Variants in UBE4B observed in about 807,000 individuals in gnomAD.
The protein encoded by UBE4B is ubiquitination factor E4B.
Under a neutral mutation model 148.1 loss-of-function variants are expected in UBE4B, and 27 were observed. The observed-to-expected ratio is 0.18, with a 90% CI of 0.13 to 0.25. The LOEUF (loss-of-function observed/expected upper bound fraction) is 0.25. Among genes scored for constraint, UBE4B ranks in the 10% least tolerant of loss-of-function variants. The pLI is 1.00. For synonymous variants in UBE4B, 596 were observed against 619.3 expected, an observed-to-expected ratio of 0.96 and a Z score of 0.56; for missense variants, 1,170 against 1,662.4, an observed-to-expected ratio of 0.70 and a Z score of 5.15.
chr1:10,071,938 C>T (rs1644493221), intron 1 of UBE4B, 90 bp from the exon 2 acceptor site: 23 of 1,342,964 alleles, frequency 1.7e-5, no homozygotes, highest in Non-Finnish European at 2.3e-5. Flanking sequence ...AGTTGTTAAA[C>T]TCTGGTTTGG....
At chr1:10,175,382 T>C (rs1163260700) in intron 25 of UBE4B, among the ~76,000 whole-genome samples, 2 of 152,126 alleles carry the variant, frequency 1.3e-5, no homozygotes, top group Non-Finnish European at 2.9e-5. Context: ...CCGGGTGCAG[T>C]GGCTCACGCC....
At chr1:10,178,845 G>T in intron 26 of UBE4B, 27 bp downstream of exon 26, 1 of 1,558,214 alleles carries the variant, frequency 6.4e-7, no homozygotes, top group African/African-American at 1.4e-5. Flanking sequence ...TTTTCATGCT[G>T]ATTTCTTTTG....
At chr1:10,097,729 G>C (rs1370729920) in intron 3 of UBE4B, among the ~76,000 whole-genome samples, 1 of 151,996 alleles carries the variant, frequency 6.6e-6, no homozygotes, top group Admixed American at 6.6e-5. Flanking sequence ...AGAGTCGCTT[G>C]AACTTGGGAG....
intron 25 of UBE4B, among the ~76,000 whole-genome samples, chr1:10,177,274 C>T (rs1035259215): frequency 1.3e-5 from 2 of 151,788 alleles, no homozygotes; most frequent in Non-Finnish European, 2.9e-5. Context: ...AATCCCACCA[C>T]TTTGGGAGGC....
chr1:10,137,642 C>A (rs931948936), intron 17 of UBE4B, among the ~76,000 whole-genome samples: 2 of 152,126 alleles, frequency 1.3e-5, no homozygotes, highest in Admixed American at 1.3e-4. Flanking sequence ...TTGGCTTGTT[C>A]TGTGGCATGA....
intron 2 of UBE4B, among the ~76,000 whole-genome samples, chr1:10,092,310 C>T (rs1034359453): frequency 7.2e-5 from 11 of 152,220 alleles, no homozygotes; most frequent in Non-Finnish European, 1.3e-4. Flanking sequence ...CTGCAACCTC[C>T]GCCTCCCAGG....
chr1:10,159,952 G>A (rs2102007172), intron 22 of UBE4B, among the ~76,000 whole-genome samples: 1 of 152,342 alleles, frequency 6.6e-6, no homozygotes, highest in East Asian at 1.9e-4. Flanking sequence ...TCTGAATGGT[G>A]CTGATTGGAG....
chr1:10,114,518 C>A (rs1324936511), intron 7 of UBE4B, among the ~76,000 whole-genome samples: 3 of 152,078 alleles, frequency 2.0e-5, no homozygotes, highest in Non-Finnish European at 4.4e-5. Flanking sequence ...TCAGCAGATA[C>A]CAGATCCTGC....
Position 10,168,325 on chromosome 1 carries a change from C to A in UBE4B, c.3333+55C>A. On this transcript the variant is annotated intron_variant, in intron 24 of 27. Transcript: ENST00000343090. This position sits in a 1 kb window ranked among gnomAD's most constrained non-coding sequence, Gnocchi z 4.9. The stretch of plus-strand genomic sequence containing the variant: ...GGTTTGGACTCCACATTCAGACTCT[C>A]TCACTTATAACTTTAGCAGTTGTTG... 6.3e-7 allele frequency: 1 copy of A among 1,593,016 alleles called. No homozygotes were observed. Among genetic ancestry groups the A allele is most frequent in the Non-Finnish European group, 8.6e-7 (1 of 1,169,438 alleles).
intron 1 of UBE4B, among the ~76,000 whole-genome samples, chr1:10,068,465 G>T (rs989545428): frequency 6.6e-6 from 1 of 150,476 alleles, no homozygotes; most frequent in Non-Finnish European, 1.5e-5. Context: ...TTCTCCTGCC[G>T]CGGCCTCCTC....
Position 10,033,577 on chromosome 1 carries a change from G to C in UBE4B, c.-94G>C. On this transcript the variant is annotated 5_prime_UTR_variant, in exon 1 of 28. Transcript: ENST00000343090. ...CCTCCCCCATTCGGGGGACCAGACA[G>C]CCTGATAGACACCTTCCACTCTCCT... The C allele has an allele frequency of 4.3e-6, 6 of 1,393,704 alleles. No homozygotes were observed. Among genetic ancestry groups the C allele is most frequent in the Non-Finnish European group, 5.7e-6 (6 of 1,054,682 alleles). 86.3% of individuals were successfully genotyped at this position (1,393,704 alleles called of 1,614,324 possible). A position where few individuals can be genotyped will look rare whatever the true frequency, so the allele number is the denominator to read the frequency against.
rs541668716 is a variant in UBE4B, at chr1:10,070,391, G to A, written c.25-1637G>A. The stretch of plus-strand genomic sequence containing the variant: ...CTCATAGTTGTAAGTATACAACCCA[G>A]TGAGTTTTCATAAAGTGGACATAGC... On this transcript the variant is annotated intron_variant, in intron 1 of 27. Transcript: ENST00000343090. 1.1e-4 allele frequency among the ~76,000 whole-genome samples: 16 copies of A among 150,142 alleles called. No homozygotes were observed. In the South Asian group the frequency reaches 1.9e-3, roughly 18 times the overall value.
At chr1:10,046,077 C>T (rs531427328) in intron 1 of UBE4B, among the ~76,000 whole-genome samples, 1 of 152,256 alleles carries the variant, frequency 6.6e-6, no homozygotes, top group South Asian at 2.1e-4. Flanking sequence ...TCTTTTGGCC[C>T]TTGTATGTCT....
At chr1:10,045,777 A>C (rs922295382) in intron 1 of UBE4B, among the ~76,000 whole-genome samples, 21 of 152,142 alleles carry the variant, frequency 1.4e-4, no homozygotes, top group Non-Finnish European at 2.6e-4. Flanking sequence ...AAAGGGTCAA[A>C]CACTAGATGG....
chr1:10,069,280 G>C (rs1051285976), intron 1 of UBE4B, among the ~76,000 whole-genome samples: 1 of 152,164 alleles, frequency 6.6e-6, no homozygotes, highest in Non-Finnish European at 1.5e-5. Context: ...TTTATGTTCA[G>C]TGCATTTTTC....
chr1:10,102,707 G>A (rs114793139), intron 4 of UBE4B, among the ~76,000 whole-genome samples: 1,781 of 151,948 alleles, frequency 0.012, 30 homozygotes, highest in African/African-American at 0.04. Flanking sequence ...CACCACGCCC[G>A]GCCATCTTTG....
intron 9 of UBE4B, among the ~76,000 whole-genome samples, chr1:10,121,151 G>A (rs1051235614): frequency 2.6e-5 from 4 of 151,722 alleles, no homozygotes; most frequent in African/African-American, 9.7e-5. Context: ...GATCACCTGA[G>A]GTTAGGAGTT....
intron 1 of UBE4B, among the ~76,000 whole-genome samples, chr1:10,050,454 G>A (rs932981499): frequency 6.6e-6 from 1 of 152,208 alleles, no homozygotes; most frequent in Non-Finnish European, 1.5e-5. Flanking sequence ...GTCTGCAGCA[G>A]CTGAAGGAGT....
chr1:10,154,292 C>T (rs951649901), intron 21 of UBE4B, among the ~76,000 whole-genome samples: 6 of 151,772 alleles, frequency 4.0e-5, no homozygotes, highest in Admixed American at 1.3e-4. Context: ...GTGACGCATG[C>T]GTGTAATCCC....
Sources: gnomAD v4.1 joint callset for allele counts (sites outside exome capture counted in the v4.1 genomes callset) on GRCh38, gnomAD v4.1.1 for gene constraint, Gnocchi (gnomAD v3.1) non-coding constraint, MANE v1.5 for transcripts, NCBI Gene and HGNC (gene_info 2026-07-23, HGNC 2026-07-21) for gene names.